Variants in MYH11 observed in about 807,000 individuals in gnomAD.
MYH11 encodes the protein myosin heavy chain 11.
Under a neutral mutation model 246.6 loss-of-function variants are expected in MYH11, and 80 were observed. That is an observed-to-expected ratio of 0.32 (90% CI 0.27 to 0.39). MYH11 has a LOEUF of 0.39. Ranked by LOEUF, MYH11 falls within the 10% of genes least tolerant of loss-of-function variation. MYH11 has a pLI of 1.00. For missense variants in MYH11, 2,158 were observed against 2,546.8 expected (o/e 0.85, Z 3.29); for synonymous variants, 1,071 against 1,015.5 (o/e 1.05, Z -1.04).
intron 3 of MYH11, among the ~76,000 whole-genome samples, chr16:15,804,595 C>T (rs114534329): frequency 0.02 from 2,985 of 152,212 alleles, 92 homozygotes; most frequent in African/African-American, 0.064. Context: ...CACAATGTTA[C>T]GTAACTACCA....
chr16:15,795,447 A>G (rs2042722714), intron 4 of MYH11, among the ~76,000 whole-genome samples: 1 of 151,996 alleles, frequency 6.6e-6, no homozygotes, highest in African/African-American at 2.4e-5. Context: ...CCCTGTCTCT[A>G]CTAAAAATAC....
At chr16:15,856,784 G>C (rs74601624) in intron 1 of MYH11, among the ~76,000 whole-genome samples, 157 bp downstream of exon 1, 3 of 151,994 alleles carry the variant, frequency 2.0e-5, no homozygotes, top group Non-Finnish European at 4.4e-5. Flanking sequence ...CGATAAGGCA[G>C]AGAGAGATCC....
In MYH11 at chr16:15,753,435, T is replaced by C. The variant is rs750642581; in HGVS notation, c.1823A>G (p.Asn608Ser). The change falls in exon 15 of 41, where the codon AAT becomes AGT. Residue 608 changes from asparagine (N) to serine (S), a missense_variant. Transcript: ENST00000300036. ...GGCCACAAACTTGTCGGAGGAGGCATTGAGCAGGGAAGTCACGTTGTCATT... is the reference window on the plus strand; with the variant it reads ...GGCCACAAACTTGTCGGAGGAGGCACTGAGCAGGGAAGTCACGTTGTCATT... Reference protein sequence around the residue: ...PLNDNVTSLLNASSDKFVADL... With the variant: ...PLNDNVTSLLSASSDKFVADL... The C allele has an allele frequency of 1.4e-5, 23 of 1,613,986 alleles. No individual in the cohort carries two copies. In the Admixed American group the frequency reaches 3.3e-4, roughly 23 times the overall value.
At chr16:15,781,286 T>G (rs1037140662) in intron 6 of MYH11, among the ~76,000 whole-genome samples, 8 of 152,238 alleles carry the variant, frequency 5.3e-5, no homozygotes, top group African/African-American at 1.9e-4. Flanking sequence ...TGATGTGTAT[T>G]CATCTAATAC....
At chr16:15,763,580 G>T (rs2041914862) in intron 10 of MYH11, among the ~76,000 whole-genome samples, 1 of 151,862 alleles carries the variant, frequency 6.6e-6, no homozygotes, top group Non-Finnish European at 1.5e-5. Flanking sequence ...AAACTATTAG[G>T]TTTGTTTTTT....
chr16:15,706,658 C>T (rs963844842), intron 40 of MYH11, among the ~76,000 whole-genome samples: 4 of 151,294 alleles, frequency 2.6e-5, no homozygotes, highest in Non-Finnish European at 5.9e-5. Flanking sequence ...AGTGAGCCAA[C>T]GTTGTGCCAC....
intron 3 of MYH11, among the ~76,000 whole-genome samples, chr16:15,807,600 C>T (rs1482931527): frequency 2.0e-5 from 3 of 151,998 alleles, no homozygotes; most frequent in Non-Finnish European, 4.4e-5. Flanking sequence ...GACACAGTAC[C>T]GAGCCTCCGT....
At chr16:15,707,005 C>T (rs770191974) in intron 40 of MYH11, among the ~76,000 whole-genome samples, 1 of 152,090 alleles carries the variant, frequency 6.6e-6, no homozygotes, top group South Asian at 2.1e-4. Flanking sequence ...AAGGGACCCC[C>T]CTAAAGGTTT....
intron 3 of MYH11, among the ~76,000 whole-genome samples, chr16:15,813,338 G>T (rs1027103273): frequency 6.6e-6 from 1 of 152,068 alleles, no homozygotes; most frequent in Non-Finnish European, 1.5e-5. Flanking sequence ...AACAGAGCAA[G>T]ACCCTGTCTC....
In MYH11 at chr16:15,723,389, A is replaced by G. The variant is rs544760340; in HGVS notation, c.4365+772T>C. On this transcript the variant is annotated intron_variant, in intron 31 of 40. Transcript: ENST00000300036. ...GGGCCGGGCATAGTGGCTCATACCTATAATCCCAGCACTTTGGGAGGCCAA... is the reference window on the plus strand; with the variant it reads ...GGGCCGGGCATAGTGGCTCATACCTGTAATCCCAGCACTTTGGGAGGCCAA... Among the ~76,000 whole-genome samples the G allele has an allele frequency of 4.6e-5, 7 of 152,284 alleles. No individual in the cohort carries two copies. In the East Asian group the frequency reaches 9.7e-4, roughly 21 times the overall value.
At chr16:15,729,573 CTG>C (rs1312873155) in intron 27 of MYH11, among the ~76,000 whole-genome samples, 1 of 144,010 alleles carries the variant, frequency 6.9e-6, no homozygotes. Flanking sequence ...TTTTTTGAAA[CTG>C]AGTCTCACTC....
At chr16:15,725,700 G>A (rs1036709866) in intron 28 of MYH11, 10 of 398,704 alleles carry the variant, frequency 2.5e-5, no homozygotes, top group African/African-American at 1.6e-4. Context: ...TTCTTCCCTC[G>A]CCCCTTGGTC....
intron 2 of MYH11, among the ~76,000 whole-genome samples, chr16:15,834,994 T>A (rs1301591765): frequency 6.8e-6 from 1 of 146,146 alleles, no homozygotes; most frequent in East Asian, 2.0e-4. Flanking sequence ...GGTGAGAGGA[T>A]CGTTTGAATC....
chr16:15,817,165 T>C (rs1227159422), intron 3 of MYH11, among the ~76,000 whole-genome samples: 1 of 152,132 alleles, frequency 6.6e-6, no homozygotes, highest in East Asian at 1.9e-4. Context: ...AGGGAGAAGT[T>C]CACCTTTTGA....
chr16:15,798,797 G>T (rs1423594132), intron 3 of MYH11, 110 bp from the exon 4 acceptor site: 1 of 1,194,174 alleles, frequency 8.4e-7, no homozygotes, highest in Non-Finnish European at 1.2e-6. Context: ...CTCCATGCTG[G>T]CCTCATTGGA....
intron 9 of MYH11, among the ~76,000 whole-genome samples, chr16:15,764,965 G>A (rs1365228861): frequency 2.0e-5 from 3 of 152,332 alleles, no homozygotes; most frequent in Non-Finnish European, 2.9e-5. Context: ...GAACCTTTCT[G>A]ACTCCATACT....
intron 31 of MYH11, 111 bp from the exon 32 acceptor site, chr16:15,721,745 G>A (rs1271699575): frequency 1.5e-5 from 17 of 1,113,866 alleles, no homozygotes; most frequent in African/African-American, 3.1e-5. Flanking sequence ...AGGTGCAGGT[G>A]TAAGCAGTGT....
chr16:15,853,874 A>T (rs1415591140), intron 1 of MYH11, among the ~76,000 whole-genome samples: 1 of 152,124 alleles, frequency 6.6e-6, no homozygotes, highest in Non-Finnish European at 1.5e-5. Context: ...AATACAAAAA[A>T]TTAGCCAGGC....
chr16:15,722,534 TAC>T (rs1455466116), intron 31 of MYH11, among the ~76,000 whole-genome samples: 1 of 152,212 alleles, frequency 6.6e-6, no homozygotes, highest in African/African-American at 2.4e-5. Context: ...GCCACTGCAC[TAC>T]ACTCTATGTG....
Sources: gnomAD v4.1 joint callset for allele counts (sites outside exome capture counted in the v4.1 genomes callset) on GRCh38, gnomAD v4.1.1 for gene constraint, MANE v1.5 for transcripts, NCBI Gene and HGNC (gene_info 2026-07-23, HGNC 2026-07-21) for gene names.